Variants in SPPL3 observed in about 807,000 individuals in gnomAD.
SPPL3 encodes signal peptide peptidase-like 3.
In SPPL3, 5 loss-of-function variants were observed where a neutral mutation model predicts 42.4. The ratio of observed to expected loss-of-function variants is 0.12; its 90% CI spans 0.06 to 0.25. The LOEUF (loss-of-function observed/expected upper bound fraction) is 0.25, where lower values mean the gene tolerates loss of function less well. Among genes scored for constraint, SPPL3 ranks in the 10% least tolerant of loss-of-function variants. The pLI, the probability that SPPL3 is intolerant of heterozygous loss-of-function variation, is 1.00. For synonymous variants in SPPL3, 195 were observed against 181.8 expected (o/e 1.07, Z -0.58); for missense variants, 235 against 489.0 (o/e 0.48, Z 4.90).
At chr12:120,796,350 T>C (rs991358271) in intron 2 of SPPL3, among the ~76,000 whole-genome samples, 1 of 152,192 alleles carries the variant, frequency 6.6e-6, no homozygotes, top group Non-Finnish European at 1.5e-5. Flanking sequence ...CACTCCAGCC[T>C]GGACGACAGA....
intron 2 of SPPL3, among the ~76,000 whole-genome samples, chr12:120,799,430 G>A (rs1016154627): frequency 1.3e-5 from 2 of 152,282 alleles, no homozygotes; most frequent in African/African-American, 4.8e-5. Context: ...AAGTCAAACC[G>A]TTGGTAAGCT....
In SPPL3 at chr12:120,828,336, G is replaced by C. The variant is rs370184388; in HGVS notation, c.24-17450C>G. On this transcript the variant is annotated intron_variant, in intron 1 of 10. Transcript: ENST00000353487. Reference sequence around the variant, plus strand: ...AGGCAGCTAAAGCAATGTTTATACAGGCAAATCTACAGCATTAAGTGATTA... The same window carrying C: ...AGGCAGCTAAAGCAATGTTTATACACGCAAATCTACAGCATTAAGTGATTA... 2.0e-5 allele frequency among the ~76,000 whole-genome samples: 3 copies of C among 151,868 alleles called. No individual in the cohort carries two copies. The South Asian group carries it at 6.2e-4, about 32-fold the overall frequency.
At chr12:120,820,997 C>T (rs1396795594) in intron 1 of SPPL3, among the ~76,000 whole-genome samples, 1 of 151,994 alleles carries the variant, frequency 6.6e-6, no homozygotes, top group African/African-American at 2.4e-5. Flanking sequence ...ATGAAATATA[C>T]TATATGTTAA....
intron 1 of SPPL3, among the ~76,000 whole-genome samples, chr12:120,876,477 C>T (rs589466): frequency 0.24 from 36,720 of 150,838 alleles, 5,553 homozygotes; most frequent in Non-Finnish European, 0.35. Flanking sequence ...ATTAGCTGGG[C>T]GTGGTGGCGG....
chr12:120,864,664 ATTAG>A (rs1276110577), intron 1 of SPPL3, among the ~76,000 whole-genome samples: 1 of 152,252 alleles, frequency 6.6e-6, no homozygotes, highest in African/African-American at 2.4e-5. Flanking sequence ...ACCATAGTTT[ATTAG>A]TTATTCTTAA....
At chr12:120,767,232 A>G (rs1191444547) in intron 9 of SPPL3, among the ~76,000 whole-genome samples, 162 bp downstream of exon 9, 1 of 152,232 alleles carries the variant, frequency 6.6e-6, no homozygotes, top group African/African-American at 2.4e-5. Context: ...CCTATCCAGT[A>G]CACAAAACAC....
chr12:120,842,020 C>T (rs1430223271), intron 1 of SPPL3, among the ~76,000 whole-genome samples: 1 of 152,148 alleles, frequency 6.6e-6, no homozygotes, highest in African/African-American at 2.4e-5. Flanking sequence ...TTCCATCATG[C>T]CCCAATATTT....
At chr12:120,829,496 T>C (rs529187327) in intron 1 of SPPL3, among the ~76,000 whole-genome samples, 14 of 152,076 alleles carry the variant, frequency 9.2e-5, no homozygotes, top group Admixed American at 4.6e-4. Context: ...CTCTGGAGAC[T>C]GAGGCAGGGG....
chr12:120,770,508 T>A (rs1041709768), intron 6 of SPPL3, among the ~76,000 whole-genome samples: 4 of 152,212 alleles, frequency 2.6e-5, no homozygotes, highest in Non-Finnish European at 4.4e-5. Flanking sequence ...ACACTGCTCC[T>A]GGGGGCTTGC....
At chr12:120,900,731 A>C (rs1223732081) in intron 1 of SPPL3, among the ~76,000 whole-genome samples, 1 of 152,084 alleles carries the variant, frequency 6.6e-6, no homozygotes, top group Non-Finnish European at 1.5e-5. Context: ...AACATGGCAA[A>C]ACCCTGTCTC....
At chr12:120,881,046 AACAC>A (rs139801818) in intron 1 of SPPL3, among the ~76,000 whole-genome samples, 2 of 151,944 alleles carry the variant, frequency 1.3e-5, no homozygotes, top group Admixed American at 6.5e-5. Flanking sequence ...ATTGAAAGAA[AACAC>A]ACACACACAC....
chr12:120,869,466 T>C (rs1391840364), intron 1 of SPPL3, among the ~76,000 whole-genome samples: 2 of 152,244 alleles, frequency 1.3e-5, no homozygotes, highest in African/African-American at 4.8e-5. Flanking sequence ...TGTAGCACTT[T>C]CCTGCACACT....
intron 1 of SPPL3, among the ~76,000 whole-genome samples, chr12:120,871,118 A>G (rs889334771): frequency 1.0e-5 from 1 of 98,174 alleles, no homozygotes; most frequent in African/African-American, 3.8e-5. Context: ...CGACAGAGTG[A>G]GACTCCGTCT....
At chr12:120,765,303 A>G (rs896948820) in intron 10 of SPPL3, among the ~76,000 whole-genome samples, 1 of 144,750 alleles carries the variant, frequency 6.9e-6, no homozygotes, top group African/African-American at 2.6e-5. Flanking sequence ...TTTTTTTTTG[A>G]GATGGGTTCT....
chr12:120,773,665 G>A (rs954540299), intron 6 of SPPL3, among the ~76,000 whole-genome samples: 2 of 152,122 alleles, frequency 1.3e-5, no homozygotes, highest in Non-Finnish European at 2.9e-5. Flanking sequence ...TTGCTCTGTC[G>A]CCCACGCTGA....
rs972309350 is a variant in SPPL3, at chr12:120,882,590, T to G, written c.23+21255A>C. On this transcript the variant is annotated intron_variant, in intron 1 of 10. Transcript: ENST00000353487. ...GTGATATAATAAAAACTAGAGAGAT[T>G]GAATACAGTGGTCTCCTATGTATCC... Among the ~76,000 whole-genome samples, 4 of 152,228 alleles carry G rather than the reference T, an allele frequency of 2.6e-5. No individual in the cohort carries two copies. The East Asian group carries it at 7.7e-4, about 29-fold the overall frequency.
intron 3 of SPPL3, among the ~76,000 whole-genome samples, chr12:120,790,310 G>A (rs1050905881): frequency 7.2e-5 from 11 of 152,200 alleles, no homozygotes; most frequent in African/African-American, 2.7e-4. Context: ...TGAAACCCAT[G>A]TGACTGGGTC....
At chr12:120,862,794 C>T (rs768684021) in intron 1 of SPPL3, among the ~76,000 whole-genome samples, 9 of 152,116 alleles carry the variant, frequency 5.9e-5, no homozygotes, top group African/African-American at 4.8e-5. Context: ...CAATCTCCAA[C>T]CCCTCTCCCC....
chr12:120,788,404 A>AG (rs1318759343), intron 3 of SPPL3, among the ~76,000 whole-genome samples: 1 of 152,156 alleles, frequency 6.6e-6, no homozygotes, highest in Non-Finnish European at 1.5e-5. Context: ...CAAATACCCT[A>AG]GGGCACCCTG....
Sources: gnomAD v4.1 joint callset for allele counts (sites outside exome capture counted in the v4.1 genomes callset) on GRCh38, gnomAD v4.1.1 for gene constraint, MANE v1.5 for transcripts, NCBI Gene and HGNC (gene_info 2026-07-23, HGNC 2026-07-21) for gene names.